The following SUPT3H variants were observed in gnomAD, a reference collection of about 807,000 sequenced individuals.
The protein encoded by SUPT3H is transcription initiation protein SPT3 homolog.
In SUPT3H, 44 loss-of-function variants were observed where a neutral mutation model predicts 44.3. The ratio of observed to expected loss-of-function variants is 0.99; its 90% CI spans 0.78 to 1.28. The LOEUF (loss-of-function observed/expected upper bound fraction) is 1.28, where lower values mean the gene tolerates loss of function less well. SUPT3H is among the 50% of genes most tolerant of loss of function. The pLI is 0.00. For synonymous variants in SUPT3H, 124 were observed against 125.6 expected (o/e 0.99, Z 0.09); for missense variants, 380 against 387.1 (o/e 0.98, Z 0.15).
intron 10 of SUPT3H, among the ~76,000 whole-genome samples, chr6:44,906,210 A>AT (rs1283341417): frequency 6.6e-6 from 1 of 152,202 alleles, no homozygotes; most frequent in Non-Finnish European, 1.5e-5. Context: ...ATATAAAGCC[A>AT]TAACAAAAGC....
At chr6:45,041,746 G>A (rs927914177) in intron 3 of SUPT3H, among the ~76,000 whole-genome samples, 3 of 151,900 alleles carry the variant, frequency 2.0e-5, no homozygotes, top group Admixed American at 6.6e-5. Flanking sequence ...GTAGTCCTAG[G>A]TACAGGTAAA....
At chr6:45,030,202 C>G (rs1028103485) in intron 3 of SUPT3H, among the ~76,000 whole-genome samples, 1 of 152,142 alleles carries the variant, frequency 6.6e-6, no homozygotes, top group Admixed American at 6.6e-5. Flanking sequence ...ATATAGTTAT[C>G]CTTTGGTAAC....
chr6:44,909,138 TGTGC>T (rs1372428908), intron 10 of SUPT3H, among the ~76,000 whole-genome samples: 15 of 88,172 alleles, frequency 1.7e-4, no homozygotes, highest in South Asian at 5.4e-4. Context: ...TGTGTGTGTG[TGTGC>T]GTGTGTGTGT....
At chr6:44,847,416 G>C (rs1284529311) in intron 10 of SUPT3H, among the ~76,000 whole-genome samples, 2 of 151,936 alleles carry the variant, frequency 1.3e-5, no homozygotes, top group African/African-American at 4.8e-5. Context: ...ATCGCCACTT[G>C]ACTCATTCTA....
At chr6:45,215,633 A>C (rs1764912266) in intron 2 of SUPT3H, among the ~76,000 whole-genome samples, 1 of 152,176 alleles carries the variant, frequency 6.6e-6, no homozygotes, top group Admixed American at 6.5e-5. Context: ...TTCTGAATTA[A>C]TCTAGTCAGA....
At chr6:45,201,879 C>T (rs1762504734) in intron 2 of SUPT3H, among the ~76,000 whole-genome samples, 1 of 151,798 alleles carries the variant, frequency 6.6e-6, no homozygotes, top group South Asian at 2.1e-4. Context: ...AAAATATTAA[C>T]AGTTTTATAT....
intron 6 of SUPT3H, among the ~76,000 whole-genome samples, chr6:44,970,285 A>G (rs565224947): frequency 6.6e-6 from 1 of 152,316 alleles, no homozygotes; most frequent in South Asian, 2.1e-4. Context: ...GAAAAAAACC[A>G]TATGTAATAA....
chr6:45,324,295 G>A (rs1432551384), intron 2 of SUPT3H, among the ~76,000 whole-genome samples: 2 of 151,980 alleles, frequency 1.3e-5, no homozygotes, highest in Admixed American at 6.6e-5. Flanking sequence ...ATGTATTAAA[G>A]TAAATTAGCA....
intron 2 of SUPT3H, among the ~76,000 whole-genome samples, chr6:45,291,586 C>T (rs1471210637): frequency 2.0e-5 from 3 of 152,064 alleles, no homozygotes; most frequent in Non-Finnish European, 4.4e-5. Flanking sequence ...TTCAGGGAAA[C>T]AGTATAAATA....
chr6:45,128,533 A>AAAATATAT (rs1554257896), intron 2 of SUPT3H, among the ~76,000 whole-genome samples: 3 of 52,252 alleles, frequency 5.7e-5, no homozygotes, highest in African/African-American at 7.1e-5. Context: ...AAAAAAAAAA[A>AAAATATAT]ATATATATAT....
intron 10 of SUPT3H, among the ~76,000 whole-genome samples, chr6:44,858,647 T>C (rs906441648): frequency 1.3e-5 from 2 of 152,210 alleles, no homozygotes; most frequent in African/African-American, 4.8e-5. Context: ...TTCATCTTTA[T>C]CCCTGTGCTT....
intron 2 of SUPT3H, among the ~76,000 whole-genome samples, chr6:45,315,083 A>G (rs976690523): frequency 1.3e-5 from 2 of 152,190 alleles, no homozygotes; most frequent in African/African-American, 4.8e-5. Context: ...TAGGCTAGCC[A>G]CATGTAGGAG....
intron 2 of SUPT3H, among the ~76,000 whole-genome samples, chr6:45,285,138 A>T (rs1020334971): frequency 6.6e-6 from 1 of 151,788 alleles, no homozygotes; most frequent in African/African-American, 2.4e-5. Flanking sequence ...CCAATATCAT[A>T]CTGAATGGGC....
chr6:45,241,240 A>T (rs1323121599), intron 2 of SUPT3H, among the ~76,000 whole-genome samples: 1 of 152,122 alleles, frequency 6.6e-6, no homozygotes, highest in African/African-American at 2.4e-5. Context: ...GCTGGCCCCA[A>T]AACTGGCCAT....
chr6:45,300,688 C>A lies in SUPT3H; in HGVS notation c.101+64513G>T, dbSNP rs150445434. On this transcript the variant is annotated intron_variant, in intron 2 of 10. Coordinates refer to ENST00000371459, the MANE Select transcript of SUPT3H (RefSeq NM_003599.4). ...AGAGATAGTGGTGACAGTTGCACAA[C>A]ATTGGGAATATACTTAATGCCACTG... 1.6e-3 allele frequency among the ~76,000 whole-genome samples: 251 copies of A among 152,234 alleles called. 3 individuals carry two copies. Among genetic ancestry groups the A allele is most frequent in the African/African-American group, 5.9e-3 (245 of 41,546 alleles).
chr6:45,123,874 A>G (rs1236363209), intron 2 of SUPT3H, among the ~76,000 whole-genome samples: 2 of 152,228 alleles, frequency 1.3e-5, no homozygotes, highest in South Asian at 2.1e-4. Flanking sequence ...TGCATCTCAC[A>G]TAATTTCATC....
chr6:45,201,542 T>G (rs927332495), intron 2 of SUPT3H, among the ~76,000 whole-genome samples: 1 of 151,740 alleles, frequency 6.6e-6, no homozygotes, highest in African/African-American at 2.4e-5. Context: ...GAGCTGAAAG[T>G]GGAAAAAAAC....
chr6:45,027,776 C>A (rs1419670471), intron 3 of SUPT3H, among the ~76,000 whole-genome samples: 1 of 152,084 alleles, frequency 6.6e-6, no homozygotes, highest in Non-Finnish European at 1.5e-5. Flanking sequence ...TTATGTCATC[C>A]TTCTATTCAA....
intron 9 of SUPT3H, among the ~76,000 whole-genome samples, chr6:44,951,598 C>A (rs1275498792): frequency 6.6e-6 from 1 of 152,136 alleles, no homozygotes; most frequent in African/African-American, 2.4e-5. Context: ...GGCTCTCTGA[C>A]ACTCATGCTC....
Sources: gnomAD v4.1 joint callset for allele counts (sites outside exome capture counted in the v4.1 genomes callset) on GRCh38, gnomAD v4.1.1 for gene constraint, MANE v1.5 for transcripts, NCBI Gene and HGNC (gene_info 2026-07-23, HGNC 2026-07-21) for gene names.